Variants in GTF2E1 observed in about 807,000 individuals in gnomAD.
GTF2E1 encodes the protein general transcription factor IIE subunit 1.
GTF2E1 carries 14 observed loss-of-function variants against 34.9 expected under a neutral mutation model. That is an observed-to-expected ratio of 0.40 (90% CI 0.27 to 0.63). The LOEUF is 0.63. GTF2E1 is among the 20% of genes least tolerant of loss of function. The probability of loss-of-function intolerance (pLI) is 0.39; values close to 1 mark genes in which losing one functional copy is unlikely to be tolerated. For synonymous variants in GTF2E1, 188 were observed against 192.9 expected (o/e 0.97, Z 0.21); for missense variants, 469 against 557.7 (o/e 0.84, Z 1.60).
intron 3 of GTF2E1, among the ~76,000 whole-genome samples, chr3:120,776,042 T>A (rs1290326372): frequency 6.6e-6 from 1 of 152,212 alleles, no homozygotes; most frequent in Non-Finnish European, 1.5e-5. Flanking sequence ...TTGTTTTTGT[T>A]TTTTAAACAA....
Position 120,744,919 on chromosome 3 carries a change from A to G in GTF2E1, c.-31+2125A>G, listed in dbSNP as rs544813735. ...ACATTAACTGTGTGAGCAGGGCACCATTAATCACTTTTTTTTTTTTTGAGG... is the reference window on the plus strand; with the variant it reads ...ACATTAACTGTGTGAGCAGGGCACCGTTAATCACTTTTTTTTTTTTTGAGG... On this transcript the variant is annotated intron_variant, in intron 1 of 4. Coordinates refer to ENST00000283875, the MANE Select transcript of GTF2E1 (RefSeq NM_005513.3). 1.1e-4 allele frequency among the ~76,000 whole-genome samples: 17 copies of G among 150,402 alleles called. No individual in the cohort carries two copies. In the East Asian group the frequency reaches 3.3e-3, roughly 29 times the overall value.
chr3:120,769,130 C>A (rs1709331612), intron 2 of GTF2E1, among the ~76,000 whole-genome samples: 1 of 150,880 alleles, frequency 6.6e-6, no homozygotes. Context: ...GAATTGTTAG[C>A]ATTTGTAATT....
intron 1 of GTF2E1, among the ~76,000 whole-genome samples, chr3:120,743,995 A>G (rs1265732574): frequency 2.0e-5 from 3 of 152,122 alleles, no homozygotes; most frequent in African/African-American, 7.2e-5. Flanking sequence ...AAAGGAAGAA[A>G]CAAAGGTCCT....
intron 2 of GTF2E1, among the ~76,000 whole-genome samples, chr3:120,754,137 C>T (rs1709188997): frequency 6.6e-6 from 1 of 152,140 alleles, no homozygotes; most frequent in South Asian, 2.1e-4. Flanking sequence ...TTTAGTTAAT[C>T]ACCCTAAGTT....
In GTF2E1 at chr3:120,751,067, C is replaced by T. The variant is rs1391380927; in HGVS notation, c.448+67C>T. On this transcript the variant is annotated intron_variant, in intron 2 of 4. Transcript: ENST00000283875. ...TATTACCTTTTTTCTTAAATTGATT[C>T]ATCTAATTTTTAAACCATCATATAT... 6 of 968,000 alleles carry T rather than the reference C, an allele frequency of 6.2e-6. No individual in the cohort carries two copies. The East Asian group carries it at 1.5e-4, about 25-fold the overall frequency. The allele number at this position is 968,000 out of a possible 1,614,324, so 60.0% of individuals were successfully genotyped here.
chr3:120,778,367 A>G (rs985179141), intron 4 of GTF2E1, among the ~76,000 whole-genome samples: 11 of 152,166 alleles, frequency 7.2e-5, no homozygotes, highest in Non-Finnish European at 8.8e-5. Context: ...AAGTTTCTTG[A>G]TAGTAGAGCA....
chr3:120,779,491 T>C (rs1251636189), intron 4 of GTF2E1, among the ~76,000 whole-genome samples: 1 of 152,250 alleles, frequency 6.6e-6, no homozygotes, highest in African/African-American at 2.4e-5. Context: ...TTCTCTGACC[T>C]AAACTTTTAA....
chr3:120,765,722 C>T (rs1231038517), intron 2 of GTF2E1, among the ~76,000 whole-genome samples: 1 of 152,144 alleles, frequency 6.6e-6, no homozygotes, highest in African/African-American at 2.4e-5. Context: ...CATAGATTTG[C>T]TTCTGATGAA....
intron 2 of GTF2E1, among the ~76,000 whole-genome samples, chr3:120,766,009 GT>G (rs1709304262): frequency 2.0e-5 from 3 of 152,248 alleles, no homozygotes; most frequent in Middle Eastern, 3.4e-3. Context: ...AGAGCTCTGA[GT>G]TTCAATTTCA....
At chr3:120,755,933 G>C (rs1709205013) in intron 2 of GTF2E1, among the ~76,000 whole-genome samples, 1 of 152,172 alleles carries the variant, frequency 6.6e-6, no homozygotes, top group Non-Finnish European at 1.5e-5. Context: ...TGTTGCAAAT[G>C]ACTGAATCTC....
Position 120,781,618 on chromosome 3 carries a change from C to T in GTF2E1, c.*148C>T, listed in dbSNP as rs1054696059. ...CAAAGATTGATGGTAGAGAGTTTGA[C>T]TTTTATGCCAGAAACTTTCCCAGCA... On this transcript the variant is annotated 3_prime_UTR_variant, in exon 5 of 5. Coordinates refer to ENST00000283875, the MANE Select transcript of GTF2E1 (RefSeq NM_005513.3). 1.5e-6 allele frequency: 1 copy of T among 649,562 alleles called. No individual in the cohort carries two copies. The highest frequency in any genetic ancestry group is 2.7e-5 in the East Asian group (1 of 36,370). 40.2% of individuals were successfully genotyped at this position (649,562 alleles called of 1,614,324 possible). A position where few individuals can be genotyped will look rare whatever the true frequency, so the allele number is the denominator to read the frequency against.
intron 1 of GTF2E1, among the ~76,000 whole-genome samples, chr3:120,745,998 C>T (rs1395650703): frequency 2.0e-5 from 3 of 152,024 alleles, no homozygotes; most frequent in Non-Finnish European, 2.9e-5. Flanking sequence ...GTATTTATAA[C>T]CTAAAGTACG....
intron 2 of GTF2E1, among the ~76,000 whole-genome samples, chr3:120,753,892 C>T (rs1033205790): frequency 6.6e-6 from 1 of 152,140 alleles, no homozygotes; most frequent in African/African-American, 2.4e-5. Flanking sequence ...ATGGAATAGC[C>T]TAGCCTTTGC....
chr3:120,755,676 C>T (rs75293166), intron 2 of GTF2E1, among the ~76,000 whole-genome samples: 11,000 of 152,178 alleles, frequency 0.072, 1,323 homozygotes, highest in East Asian at 0.46. Context: ...TAATTATTGA[C>T]TATAGTTACC....
rs1003464752 is a variant in GTF2E1, at chr3:120,775,292, A to G, written c.651-1131A>G. Among the ~76,000 whole-genome samples, 5 of 152,284 alleles carry G rather than the reference A, an allele frequency of 3.3e-5. No individual in the cohort carries two copies. The East Asian group carries it at 9.6e-4, about 29-fold the overall frequency. On this transcript the variant is annotated intron_variant, in intron 3 of 4. Transcript: ENST00000283875. ...ACAGGAGATAATTCAGGATCCATGG[A>G]AAAGAGTGAGAAAAACGGACGAAAA...
chr3:120,776,118 C>T lies in GTF2E1; in HGVS notation c.651-305C>T, dbSNP rs189563510. Among the ~76,000 whole-genome samples the T allele has an allele frequency of 1.3e-5, 2 of 152,258 alleles. 1 individual carries two copies. Among genetic ancestry groups the T allele is most frequent in the East Asian group, 3.9e-4 (2 of 5,184 alleles). On this transcript the variant is annotated intron_variant, in intron 3 of 4. Transcript: ENST00000283875. ...AGATGATGTCACCATATCACTTTCT[C>T]CTTCTCCAAGTATTAATAGATTTAT...
At position 120,765,605 on chromosome 3, in the gene GTF2E1, T is replaced by C. The variant is rs145205328; in HGVS notation, c.449-5123T>C. Among the ~76,000 whole-genome samples, 205 of 152,324 alleles carry C rather than the reference T, an allele frequency of 1.3e-3. 1 individual carries two copies. The highest frequency in any genetic ancestry group is 4.0e-4 in the Non-Finnish European group (27 of 68,028). On this transcript the variant is annotated intron_variant, in intron 2 of 4. Coordinates refer to ENST00000283875, the MANE Select transcript of GTF2E1 (RefSeq NM_005513.3). ...TAGTCTTTTGAGACAGAAAGATTTG[T>C]ATTTGAATCCAAGTTTAGTGATTTT... is the stretch of plus-strand genomic sequence containing the variant.
intron 2 of GTF2E1, among the ~76,000 whole-genome samples, chr3:120,752,313 A>C (rs945384163): frequency 1.3e-5 from 2 of 152,184 alleles, no homozygotes; most frequent in Non-Finnish European, 2.9e-5. Context: ...GAGCTCTTCA[A>C]AATAGACTAG....
chr3:120,771,966 A>C (rs1391924918), intron 3 of GTF2E1, among the ~76,000 whole-genome samples: 6 of 152,180 alleles, frequency 3.9e-5, no homozygotes, highest in Non-Finnish European at 1.5e-5. Flanking sequence ...ACAGTTCAAA[A>C]CTGGTTAATT....
Sources: gnomAD v4.1 joint callset for allele counts (sites outside exome capture counted in the v4.1 genomes callset) on GRCh38, gnomAD v4.1.1 for gene constraint, MANE v1.5 for transcripts, NCBI Gene and HGNC (gene_info 2026-07-23, HGNC 2026-07-21) for gene names.